CDKAL1: variants seen among roughly 807,000 people sequenced by gnomAD.
CDKAL1 encodes the protein CDKAL1 threonylcarbamoyladenosine tRNA methylthiotransferase, also known as threonylcarbamoyladenosine tRNA methylthiotransferase.
CDKAL1 carries 32 observed loss-of-function variants against 68.2 expected under a neutral mutation model. The observed-to-expected ratio is 0.47, with a 90% confidence interval of 0.35 to 0.63. CDKAL1 has a LOEUF of 0.63. Ranked by LOEUF, CDKAL1 falls within the 30% of genes least tolerant of loss-of-function variation. The probability of loss-of-function intolerance (pLI) is 0.00; values close to 1 mark genes in which losing one functional copy is unlikely to be tolerated. For missense variants in CDKAL1, 606 were observed against 696.7 expected, an observed-to-expected ratio of 0.87 and a Z score of 1.47; for synonymous variants, 234 against 244.3, an observed-to-expected ratio of 0.96 and a Z score of 0.39.
intron 12 of CDKAL1, among the ~76,000 whole-genome samples, chr6:21,104,467 C>A (rs1773743668): frequency 6.6e-6 from 1 of 151,370 alleles, no homozygotes. Flanking sequence ...TATAAAGGGC[C>A]AGATAGTAAA....
intron 6 of CDKAL1, among the ~76,000 whole-genome samples, chr6:20,752,630 T>C (rs1228639232): frequency 6.6e-6 from 1 of 152,158 alleles, no homozygotes; most frequent in East Asian, 1.9e-4. Flanking sequence ...TAACACATTT[T>C]CTCATTCTTT....
chr6:20,691,862 C>T (rs1300154926), intron 5 of CDKAL1, among the ~76,000 whole-genome samples: 1 of 151,748 alleles, frequency 6.6e-6, no homozygotes, highest in East Asian at 1.9e-4. Flanking sequence ...TTTTTTATTT[C>T]CCATTCTTTT....
chr6:20,699,692 A>G (rs1023883421), intron 5 of CDKAL1, among the ~76,000 whole-genome samples: 10 of 152,200 alleles, frequency 6.6e-5, no homozygotes, highest in African/African-American at 2.4e-4. Context: ...TTAGGAGAAT[A>G]AAAGCTCGTC....
intron 10 of CDKAL1, among the ~76,000 whole-genome samples, chr6:20,967,517 C>G (rs1383189288): frequency 1.3e-5 from 2 of 152,060 alleles, no homozygotes; most frequent in Non-Finnish European, 2.9e-5. Flanking sequence ...GTTCCCTTCC[C>G]ACCCCACTTC....
At chr6:20,867,402 A>G (rs951748075) in intron 9 of CDKAL1, among the ~76,000 whole-genome samples, 2 of 152,208 alleles carry the variant, frequency 1.3e-5, no homozygotes, top group Non-Finnish European at 2.9e-5. Context: ...ATTTTCTAAC[A>G]TGTAAAAAGT....
Position 20,810,673 on chromosome 6 carries a change from T to G in CDKAL1, c.638+29408T>G, listed in dbSNP as rs1279365538. Among the ~76,000 whole-genome samples, 14 of 99,564 alleles carry G rather than the reference T, an allele frequency of 1.4e-4. No homozygotes were observed. The South Asian group carries it at 3.4e-3, about 24-fold the overall frequency. 65.3% of individuals were successfully genotyped at this position (99,564 alleles called of 152,430 possible). ...GTGTGTGTGTGTGTGTGTAATATAT[T>G]GCTAAAAAAAAAAAGTGTTTATTCA... On this transcript the variant is annotated intron_variant, in intron 8 of 15. Transcript: ENST00000274695.
At chr6:20,855,248 G>C (rs1759263530) in intron 9 of CDKAL1, among the ~76,000 whole-genome samples, 2 of 151,872 alleles carry the variant, frequency 1.3e-5, no homozygotes, top group African/African-American at 4.8e-5. Context: ...TTCTAAACCA[G>C]CCTCACCAAC....
intron 4 of CDKAL1, among the ~76,000 whole-genome samples, chr6:20,608,789 A>G (rs975526847): frequency 1.3e-5 from 2 of 152,234 alleles, no homozygotes; most frequent in African/African-American, 4.8e-5. Context: ...GTGATGTGTT[A>G]TAAAATTAAA....
intron 12 of CDKAL1, among the ~76,000 whole-genome samples, chr6:21,100,880 C>T (rs977903096): frequency 3.3e-5 from 5 of 152,062 alleles, no homozygotes; most frequent in Non-Finnish European, 5.9e-5. Flanking sequence ...TGTGATTGAG[C>T]GCTGATATTG....
intron 2 of CDKAL1, 113 bp from the exon 3 acceptor site, chr6:20,546,233 A>T (rs1202670006): frequency 1.4e-6 from 1 of 723,506 alleles, no homozygotes; most frequent in Non-Finnish European, 2.3e-6. Flanking sequence ...TATAAATTTG[A>T]AGTTAGATCC....
At chr6:21,055,733 G>C (rs1770795493) in intron 11 of CDKAL1, among the ~76,000 whole-genome samples, 1 of 152,080 alleles carries the variant, frequency 6.6e-6, no homozygotes, top group Non-Finnish European at 1.5e-5. Flanking sequence ...AGTATTCCAT[G>C]GTGTATATGT....
intron 10 of CDKAL1, among the ~76,000 whole-genome samples, chr6:20,986,191 G>A (rs140461989): frequency 3.5e-4 from 53 of 152,132 alleles, no homozygotes; most frequent in African/African-American, 1.3e-3. Context: ...TTCTTCCTTC[G>A]TTTTTGAGGA....
At chr6:21,144,020 G>A (rs1181476154) in intron 13 of CDKAL1, among the ~76,000 whole-genome samples, 2 of 151,924 alleles carry the variant, frequency 1.3e-5, no homozygotes, top group Admixed American at 1.3e-4. Context: ...CACAATTTTA[G>A]TAGGTATGTT....
At chr6:20,979,569 G>A (rs1766005379) in intron 10 of CDKAL1, among the ~76,000 whole-genome samples, 1 of 151,916 alleles carries the variant, frequency 6.6e-6, no homozygotes, top group South Asian at 2.1e-4. Flanking sequence ...TGTTTCCCGG[G>A]GGTTCGAGGG....
At chr6:20,738,570 T>C (rs1463984904) in intron 5 of CDKAL1, among the ~76,000 whole-genome samples, 4 of 149,522 alleles carry the variant, frequency 2.7e-5, no homozygotes, top group Non-Finnish European at 5.9e-5. Context: ...TTGGTGGTGC[T>C]CACCACAACC....
chr6:21,119,932 A>C (rs374240556), intron 13 of CDKAL1, among the ~76,000 whole-genome samples: 2 of 152,104 alleles, frequency 1.3e-5, no homozygotes, highest in African/African-American at 4.8e-5. Context: ...GCCCTCCTCC[A>C]TCCCTCCTCT....
At chr6:20,605,801 G>C (rs1450608602) in intron 4 of CDKAL1, among the ~76,000 whole-genome samples, 1 of 152,174 alleles carries the variant, frequency 6.6e-6, no homozygotes, top group African/African-American at 2.4e-5. Flanking sequence ...TACTGAGTCA[G>C]CTCTGGGCGC....
intron 9 of CDKAL1, among the ~76,000 whole-genome samples, chr6:20,887,361 G>A (rs975056690): frequency 2.5e-4 from 38 of 152,100 alleles, no homozygotes; most frequent in African/African-American, 9.2e-4. Flanking sequence ...AAAAAAGCTT[G>A]TATAAGCATG....
chr6:20,739,988 C>T (rs1455564260), intron 6 of CDKAL1, among the ~76,000 whole-genome samples: 2 of 152,062 alleles, frequency 1.3e-5, no homozygotes, highest in Admixed American at 1.3e-4. Flanking sequence ...TTTCAAATGC[C>T]CCACTTCCCT....
Sources: allele counts gnomAD v4.1 joint callset (sites outside exome capture counted in the v4.1 genomes callset), GRCh38; gene constraint gnomAD v4.1.1; transcripts MANE v1.5; gene names NCBI Gene and HGNC (gene_info 2026-07-23, HGNC 2026-07-21).